The following SHB variants were observed in gnomAD, a reference collection of about 807,000 sequenced individuals.
SHB encodes the protein SH2 domain containing adaptor protein B.
SHB carries 20 observed loss-of-function variants against 52.3 expected under a neutral mutation model. The observed-to-expected ratio is 0.38, with a 90% CI of 0.27 to 0.56. The LOEUF (loss-of-function observed/expected upper bound fraction) is 0.56, where lower values mean the gene tolerates loss of function less well. Among genes scored for constraint, SHB ranks in the 20% least tolerant of loss-of-function variants. The pLI, the probability that SHB is intolerant of heterozygous loss-of-function variation, is 0.71. For synonymous variants in SHB, 397 were observed against 316.5 expected (o/e 1.25, Z -2.70); for missense variants, 825 against 723.3 (o/e 1.14, Z -1.61).
intron 1 of SHB, among the ~76,000 whole-genome samples, chr9:38,059,883 T>A (rs1174327114): frequency 1.3e-5 from 2 of 152,316 alleles, no homozygotes; most frequent in East Asian, 3.9e-4. Context: ...AAGGGGAGAT[T>A]ACAGCCCATT....
chr9:37,963,253 ACTGT>A (rs1832713424), intron 3 of SHB, among the ~76,000 whole-genome samples: 2 of 152,190 alleles, frequency 1.3e-5, no homozygotes, highest in Admixed American at 1.3e-4. Flanking sequence ...CCAAGCTCTG[ACTGT>A]CTGGCTGCTT....
intron 1 of SHB, among the ~76,000 whole-genome samples, chr9:38,038,830 G>C (rs1202663872): frequency 2.0e-5 from 3 of 152,150 alleles, no homozygotes; most frequent in African/African-American, 7.2e-5. Context: ...ACAGTGGGCA[G>C]GGGCCACCCC....
intron 5 of SHB, among the ~76,000 whole-genome samples, chr9:37,925,936 C>T (rs983922402): frequency 3.9e-5 from 6 of 152,082 alleles, no homozygotes; most frequent in Non-Finnish European, 2.9e-5. Context: ...AGCAGGGCAG[C>T]GAGTGCTCAC....
intron 4 of SHB, among the ~76,000 whole-genome samples, chr9:37,952,633 C>T (rs143580433): frequency 9.4e-4 from 143 of 152,158 alleles, no homozygotes; most frequent in Middle Eastern, 3.4e-3. Flanking sequence ...CAGGTGGCCG[C>T]AGAGATGGAG....
At chr9:38,019,561 C>A (rs1203524316) in intron 1 of SHB, among the ~76,000 whole-genome samples, 1 of 152,260 alleles carries the variant, frequency 6.6e-6, no homozygotes, top group South Asian at 2.1e-4. Context: ...TCCCTATGGA[C>A]TGGTCAGAGT....
intron 2 of SHB, among the ~76,000 whole-genome samples, chr9:38,010,421 G>A (rs1420685242): frequency 1.3e-5 from 2 of 152,198 alleles, no homozygotes; most frequent in African/African-American, 4.8e-5. Flanking sequence ...TGGGCTTCCA[G>A]ATCCCAGTCA....
intron 4 of SHB, among the ~76,000 whole-genome samples, chr9:37,954,800 G>A (rs1434779958): frequency 6.6e-6 from 1 of 152,138 alleles, no homozygotes; most frequent in Admixed American, 6.5e-5. Flanking sequence ...CTTTATCCTG[G>A]AGGTAATGTG....
intron 1 of SHB, among the ~76,000 whole-genome samples, chr9:38,039,842 G>A (rs1162168259): frequency 1.3e-5 from 2 of 152,260 alleles, no homozygotes; most frequent in Non-Finnish European, 2.9e-5. Context: ...ACTTGCAGCT[G>A]GAGCTCGAGG....
intron 1 of SHB, among the ~76,000 whole-genome samples, chr9:38,048,822 T>C (rs78314620): frequency 0.014 from 2,098 of 152,322 alleles, 50 homozygotes; most frequent in African/African-American, 0.048. Flanking sequence ...TTTTTGGTTT[T>C]GCCAAATGTT....
chr9:38,042,711 C>G (rs549707684), intron 1 of SHB, among the ~76,000 whole-genome samples: 1 of 152,232 alleles, frequency 6.6e-6, no homozygotes, highest in South Asian at 2.1e-4. Context: ...GCAGCCACAG[C>G]CAGAATAGCA....
chr9:38,065,186 A>T (rs1371917986), intron 1 of SHB, among the ~76,000 whole-genome samples: 1 of 152,200 alleles, frequency 6.6e-6, no homozygotes, highest in African/African-American at 2.4e-5. Flanking sequence ...CCGGATCTAC[A>T]GTGTGCCTGG....
Position 37,919,429 on chromosome 9 carries a change from T to C in SHB, c.*392A>G. The C allele has an allele frequency of 5.9e-6, 1 of 168,496 alleles. No individual in the cohort carries two copies. Among genetic ancestry groups the C allele is most frequent in the Non-Finnish European group, 1.3e-5 (1 of 77,774 alleles). 10.4% of individuals were successfully genotyped at this position (168,496 alleles called of 1,614,324 possible). The stretch of plus-strand genomic sequence containing the variant: ...GGGCTCCTGTGGGAAAACTTTGCCC[T>C]GTACAGAGGTGTGAATTTGAGACAG... On this transcript the variant is annotated 3_prime_UTR_variant, in exon 6 of 6. Transcript: ENST00000377707.
intron 2 of SHB, among the ~76,000 whole-genome samples, chr9:37,998,205 T>TGGAGGGAGGAGGGAGGAGGGAGGAGGGA (rs56670029): frequency 1.3e-5 from 2 of 148,974 alleles, no homozygotes; most frequent in African/African-American, 2.5e-5. Flanking sequence ...GCAGGCAGCT[T>TGGAGGGAGGAGGGAGGAGGGAGGAGGGA]GGAGGGAGGA....
At chr9:37,948,595 G>C (rs1380672046) in intron 5 of SHB, 40 bp downstream of exon 5, 3 of 1,606,104 alleles carry the variant, frequency 1.9e-6, no homozygotes, top group Non-Finnish European at 2.6e-6. Flanking sequence ...GCTCGCAGAG[G>C]CTGCCGAGGA....
intron 2 of SHB, among the ~76,000 whole-genome samples, chr9:37,999,615 G>A (rs953814016): frequency 1.4e-5 from 2 of 144,468 alleles, no homozygotes; most frequent in Admixed American, 1.4e-4. Flanking sequence ...ATACTGAGTG[G>A]AGGTCTGACA....
At chr9:38,008,229 C>CAAGAG (rs955859251) in intron 2 of SHB, among the ~76,000 whole-genome samples, 11 of 152,118 alleles carry the variant, frequency 7.2e-5, no homozygotes, top group Non-Finnish European at 1.6e-4. Flanking sequence ...GGGTCAAAGA[C>CAAGAG]AAGAGGGGAG....
At chr9:38,036,214 G>A (rs913582253) in intron 1 of SHB, among the ~76,000 whole-genome samples, 5 of 151,902 alleles carry the variant, frequency 3.3e-5, no homozygotes, top group African/African-American at 9.7e-5. Context: ...AGCCACATTC[G>A]CCCCGACCCA....
Position 37,918,163 on chromosome 9 carries a change from G to A in SHB, c.*1658C>T, listed in dbSNP as rs574209096. Among the ~76,000 whole-genome samples the A allele has an allele frequency of 4.9e-4, 74 of 152,346 alleles. 1 individual carries two copies. Among genetic ancestry groups the A allele is most frequent in the African/African-American group, 1.6e-3 (65 of 41,580 alleles). On this transcript the variant is annotated 3_prime_UTR_variant, in exon 6 of 6. Coordinates refer to ENST00000377707, the MANE Select transcript of SHB (RefSeq NM_003028.3). ...CCCAGGTGGGCCAGGGATGACAGTC[G>A]TCAAACTTCTAGTTCATTCAGACCA...
intron 1 of SHB, among the ~76,000 whole-genome samples, chr9:38,053,813 G>A (rs1193576247): frequency 6.6e-6 from 1 of 152,146 alleles, no homozygotes; most frequent in Non-Finnish European, 1.5e-5. Context: ...CATTCATAAA[G>A]CTCTTCCTAA....
Sources: gnomAD v4.1 joint callset for allele counts (sites outside exome capture counted in the v4.1 genomes callset) on GRCh38, gnomAD v4.1.1 for gene constraint, MANE v1.5 for transcripts, NCBI Gene and HGNC (gene_info 2026-07-23, HGNC 2026-07-21) for gene names.